Variants in STK3 observed in about 807,000 individuals in gnomAD.
The protein encoded by STK3 is serine/threonine kinase 3.
STK3 carries 41 observed loss-of-function variants against 58.0 expected under a neutral mutation model. That is an observed-to-expected ratio of 0.71 (90% CI 0.55 to 0.92). The LOEUF (loss-of-function observed/expected upper bound fraction) is 0.92, where lower values mean the gene tolerates loss of function less well. Among genes scored for constraint, STK3 ranks in the 40% least tolerant of loss-of-function variants. The pLI, the probability that STK3 is intolerant of heterozygous loss-of-function variation, is 0.00. For missense variants in STK3, 479 were observed against 602.7 expected (o/e 0.79, Z 2.15); for synonymous variants, 170 against 191.0 (o/e 0.89, Z 0.91).
intron 1 of STK3, among the ~76,000 whole-genome samples, chr8:98,918,454 A>T (rs1839426658): frequency 6.6e-6 from 1 of 152,194 alleles, no homozygotes. Flanking sequence ...AGCTCAGAGA[A>T]TACAACTTAG....
At chr8:98,499,260 A>G (rs1336837177) in intron 10 of STK3, among the ~76,000 whole-genome samples, 1 of 152,192 alleles carries the variant, frequency 6.6e-6, no homozygotes, top group African/African-American at 2.4e-5. Flanking sequence ...TGAAACCCTG[A>G]TTTAGCCCCA....
intron 10 of STK3, among the ~76,000 whole-genome samples, chr8:98,470,765 G>C (rs1820857018): frequency 6.6e-6 from 1 of 152,074 alleles, no homozygotes; most frequent in Non-Finnish European, 1.5e-5. Context: ...CCCAACCCTT[G>C]GTAAATCTCT....
chr8:98,618,808 T>C (rs910340155), intron 6 of STK3, among the ~76,000 whole-genome samples: 2 of 147,420 alleles, frequency 1.4e-5, no homozygotes, highest in East Asian at 1.9e-4. Context: ...CTCAAGGAAA[T>C]AGAAGAGGAT....
intron 7 of STK3, among the ~76,000 whole-genome samples, chr8:98,584,925 C>T (rs1374455060): frequency 1.5e-4 from 23 of 151,422 alleles, no homozygotes; most frequent in East Asian, 3.9e-4. Context: ...TCATGTCCTT[C>T]GCCCACTTTT....
chr8:98,637,443 T>C (rs577148414), intron 6 of STK3, among the ~76,000 whole-genome samples: 1 of 152,304 alleles, frequency 6.6e-6, no homozygotes, highest in East Asian at 1.9e-4. Flanking sequence ...TGAGTTCTGA[T>C]TGCCTTTGGG....
At chr8:98,467,737 AG>A (rs1257618422) in intron 10 of STK3, among the ~76,000 whole-genome samples, 1 of 152,136 alleles carries the variant, frequency 6.6e-6, no homozygotes, top group Non-Finnish European at 1.5e-5. Flanking sequence ...TTCAATAATA[AG>A]GGGCTCATCC....
intron 4 of STK3, among the ~76,000 whole-genome samples, chr8:98,727,791 C>CT (rs1276055229): frequency 6.6e-6 from 1 of 152,158 alleles, no homozygotes; most frequent in Non-Finnish European, 1.5e-5. Flanking sequence ...AGCACCTCCC[C>CT]TAGCTAGTTT....
intron 1 of STK3, among the ~76,000 whole-genome samples, chr8:98,801,806 T>C (rs945982724): frequency 6.6e-6 from 1 of 152,102 alleles, no homozygotes; most frequent in Admixed American, 6.6e-5. Flanking sequence ...TTTTTTTCAG[T>C]GACATCCAAA....
intron 6 of STK3, among the ~76,000 whole-genome samples, chr8:98,689,114 G>A (rs1262982133): frequency 6.6e-6 from 1 of 152,074 alleles, no homozygotes; most frequent in Non-Finnish European, 1.5e-5. Flanking sequence ...GATGTTCAGA[G>A]GCTACTATGA....
intron 10 of STK3, among the ~76,000 whole-genome samples, chr8:98,479,486 CGGGGGG>C (rs55853383): frequency 6.0e-5 from 1 of 16,686 alleles, no homozygotes; most frequent in African/African-American, 4.5e-4. Flanking sequence ...CACTCCGTCT[CGGGGGG>C]GGGGGGGGGG....
the STK3 span, among the ~76,000 whole-genome samples, chr8:98,348,748 G>A: frequency 1.3e-5 from 2 of 152,202 alleles, no homozygotes; most frequent in African/African-American, 4.8e-5. Flanking sequence ...TCAAGACACT[G>A]ATAACACCAA....
chr8:98,708,480 T>A (rs1000472939), intron 4 of STK3, among the ~76,000 whole-genome samples: 2 of 151,650 alleles, frequency 1.3e-5, no homozygotes, highest in African/African-American at 4.8e-5. Flanking sequence ...AGAAAAAACG[T>A]CAGAGAAAGA....
chr8:98,477,857 G>A (rs1335953542), intron 10 of STK3, among the ~76,000 whole-genome samples: 1 of 151,960 alleles, frequency 6.6e-6, no homozygotes, highest in African/African-American at 2.4e-5. Context: ...TCTTGGTTGT[G>A]AGGGGCTGTC....
intron 4 of STK3, among the ~76,000 whole-genome samples, chr8:98,718,437 A>G (rs1293928281): frequency 6.6e-6 from 1 of 152,134 alleles, no homozygotes; most frequent in Non-Finnish European, 1.5e-5. Context: ...ACTTCCAGGA[A>G]TTTATTCTCT....
At chr8:98,718,932 A>C (rs1827215674) in intron 4 of STK3, among the ~76,000 whole-genome samples, 1 of 152,168 alleles carries the variant, frequency 6.6e-6, no homozygotes, top group African/African-American at 2.4e-5. Context: ...TTTTGTGAAC[A>C]CTTTGTTCAC....
intron 7 of STK3, among the ~76,000 whole-genome samples, chr8:98,587,702 A>T (rs1222036796): frequency 6.6e-6 from 1 of 152,038 alleles, no homozygotes. Flanking sequence ...GTGGGGTGTT[A>T]AAGTCTCCCA....
chr8:98,743,770 A>G (rs1183041332), intron 4 of STK3, among the ~76,000 whole-genome samples: 1 of 151,928 alleles, frequency 6.6e-6, no homozygotes, highest in Non-Finnish European at 1.5e-5. Context: ...CTGCACAGCA[A>G]AAGAAACTAC....
intron 3 of STK3, among the ~76,000 whole-genome samples, chr8:98,757,283 C>T (rs1391834626): frequency 6.7e-6 from 1 of 150,136 alleles, no homozygotes; most frequent in Non-Finnish European, 1.5e-5. Context: ...CGGGTTCAAG[C>T]GATTCGCCTG....
At chr8:98,910,945 A>C (rs1207836612) in intron 1 of STK3, among the ~76,000 whole-genome samples, 1 of 152,206 alleles carries the variant, frequency 6.6e-6, no homozygotes, top group African/African-American at 2.4e-5. Flanking sequence ...CAGCCATCGC[A>C]CTTAGCAAGG....
Sources: gnomAD v4.1 joint callset for allele counts (sites outside exome capture counted in the v4.1 genomes callset) on GRCh38, gnomAD v4.1.1 for gene constraint, MANE v1.5 for transcripts, NCBI Gene and HGNC (gene_info 2026-07-23, HGNC 2026-07-21) for gene names.